The following CLCF1 variants were observed in gnomAD, a reference collection of about 807,000 sequenced individuals.
CLCF1 encodes cardiotrophin-like cytokine factor 1.
In CLCF1, 10 loss-of-function variants were observed where a neutral mutation model predicts 21.2. The ratio of observed to expected loss-of-function variants is 0.47; its 90% CI spans 0.29 to 0.80. The LOEUF is 0.80. CLCF1 is among the 30% of genes least tolerant of loss of function. The pLI is 0.09. For missense variants in CLCF1, 240 were observed against 293.4 expected, an observed-to-expected ratio of 0.82 and a Z score of 1.33; for synonymous variants, 115 against 120.5, an observed-to-expected ratio of 0.95 and a Z score of 0.30.
chr11:67,369,742 C>T (rs1862189546), intron 1 of CLCF1: 1 of 985,328 alleles, frequency 1.0e-6, no homozygotes, highest in African/African-American at 1.7e-5. Flanking sequence ...TCTTTACCCA[C>T]ATGCTGGCCG....
chr11:67,365,057 C>T lies in CLCF1; in HGVS notation c.*79G>A. On this transcript the variant is annotated 3_prime_UTR_variant, in exon 3 of 3. Transcript: ENST00000312438. The surrounding 1 kb of genome is among the most constrained non-coding windows in gnomAD (Gnocchi z 5.0). ...TCACAGCTTCTGTCTCCTGGCTCAA[C>T]AGGTGTTGGCATACAGGGCTGGCTC... The T allele has an allele frequency of 1.2e-6, 2 of 1,603,702 alleles. No homozygotes were observed. The highest frequency in any genetic ancestry group is 2.2e-5 in the East Asian group (1 of 44,866).
chr11:67,373,474 G>C, intron 1 of CLCF1, 50 bp downstream of exon 1: 1 of 1,038,070 alleles, frequency 9.6e-7, no homozygotes, highest in Non-Finnish European at 1.4e-6. Context: ...ACCGGATCTC[G>C]TGGCTGCTTG....
At position 67,366,704 on chromosome 11, in the gene CLCF1, A is replaced by G. The variant is rs976756476; in HGVS notation, c.183+756T>C. Among the ~76,000 whole-genome samples the G allele has an allele frequency of 3.9e-5, 6 of 151,982 alleles. No individual in the cohort carries two copies. The South Asian group carries it at 6.2e-4, about 16-fold the overall frequency. The stretch of plus-strand genomic sequence containing the variant: ...CACACGCTGACAAGCACAGAGACAA[A>G]CTAATTTCCTCGGTGTATCCTGGGG... On this transcript the variant is annotated intron_variant, in intron 2 of 2. Transcript: ENST00000312438.
chr11:67,370,455 G>A (rs1392833867), intron 1 of CLCF1: 9 of 980,702 alleles, frequency 9.2e-6, no homozygotes, highest in East Asian at 1.2e-4. Flanking sequence ...CCCACTGATT[G>A]TTTACATCCC....
chr11:67,368,940 TTC>T (rs1862174323), intron 1 of CLCF1: 1 of 878,958 alleles, frequency 1.1e-6, no homozygotes, highest in African/African-American at 2.6e-5. Context: ...TGCTGCCACC[TTC>T]TCTTTCCACC....
chr11:67,365,454 G>A lies in CLCF1; in HGVS notation c.360C>T (p.Leu120=). 1 of 1,613,976 alleles carries A rather than the reference G, an allele frequency of 6.2e-7. No homozygotes were observed. The highest frequency in any genetic ancestry group is 8.5e-7 in the Non-Finnish European group (1 of 1,179,938). ...YSHLLCYLRG[L]NRQAATAELR... is the part of the protein sequence containing the mutation. ...GCTCAGCAGTGGCAGCCTGACGGTT[G>A]AGGCCACGCAAGTAACACAGAAGGT... The change falls in exon 3 of 3, where the codon CTC becomes CTT. Residue 120 remains leucine (L), a synonymous_variant. Coordinates refer to ENST00000312438, the MANE Select transcript of CLCF1 (RefSeq NM_013246.3). This position sits in a 1 kb window ranked among gnomAD's most constrained non-coding sequence, Gnocchi z 5.0.
Position 67,372,757 on chromosome 11 carries a change from A to G in CLCF1, c.16+767T>C, listed in dbSNP as rs1417330149. On this transcript the variant is annotated intron_variant, in intron 1 of 2. Transcript: ENST00000312438. This position sits in a 1 kb window ranked among gnomAD's most constrained non-coding sequence, Gnocchi z 5.9. ...CCCGCCGCTCCCTGGCCAGTGACAG[A>G]CTTTTTCCTGCCGGGTCCGGCCCGG... 6.7e-6 allele frequency among the ~76,000 whole-genome samples: 1 copy of G among 149,200 alleles called. No homozygotes were observed. Among genetic ancestry groups the G allele is most frequent in the African/African-American group, 2.5e-5 (1 of 40,786 alleles).
chr11:67,370,545 C>CCACCCCCTATCCTGGCCCA, intron 1 of CLCF1: 1 of 984,658 alleles, frequency 1.0e-6, no homozygotes. Flanking sequence ...CAACAGCCCC[C>CCACCCCCTATCCTGGCCCA]CACCCCCGGC....
chr11:67,366,135 C>T (rs565061836), intron 2 of CLCF1, among the ~76,000 whole-genome samples: 42 of 152,254 alleles, frequency 2.8e-4, no homozygotes, highest in African/African-American at 8.2e-4. Context: ...AGGTGCCTGA[C>T]GACCTTGGAG....
intron 1 of CLCF1, chr11:67,371,038 G>A (rs972610057): frequency 5.1e-6 from 5 of 985,282 alleles, no homozygotes; most frequent in East Asian, 1.1e-4. Flanking sequence ...TTGAGGGATG[G>A]AGTGGGTTAG....
upstream of CLCF1, chr11:67,373,788 G>C (rs937836261): frequency 2.7e-6 from 3 of 1,091,442 alleles, no homozygotes; most frequent in East Asian, 4.2e-5. Context: ...GGGGTAGGAG[G>C]GGGGAGGAGG....
At chr11:67,368,746 G>A (rs1862167903) in intron 1 of CLCF1, 1 of 985,224 alleles carries the variant, frequency 1.0e-6, no homozygotes, top group African/African-American at 1.7e-5. Context: ...AGGATGTGGT[G>A]AGGTCTGGGC....
rs912662530 is a variant in CLCF1 at position 67,372,831 on chromosome 11, C to A, written c.16+693G>T. On this transcript the variant is annotated intron_variant, in intron 1 of 2. Transcript: ENST00000312438. This position sits in a 1 kb window ranked among gnomAD's most constrained non-coding sequence, Gnocchi z 5.9. ...ATAATCACTCCCAGGCCACGGTGGCCCGGGGGACTCGCGGCCGCCGCCCGC... is the reference window on the plus strand; with the variant it reads ...ATAATCACTCCCAGGCCACGGTGGCACGGGGGACTCGCGGCCGCCGCCCGC... Among the ~76,000 whole-genome samples the A allele has an allele frequency of 6.7e-6, 1 of 149,954 alleles. No individual in the cohort carries two copies. The highest frequency in any genetic ancestry group is 1.5e-5 in the Non-Finnish European group (1 of 66,958).
intron 1 of CLCF1, chr11:67,368,749 G>C (rs1369360491): frequency 1.0e-6 from 1 of 985,210 alleles, no homozygotes; most frequent in Non-Finnish European, 1.2e-6. Context: ...ATGTGGTGAG[G>C]TCTGGGCAGG....
intron 1 of CLCF1, chr11:67,368,825 G>T: frequency 1.0e-6 from 1 of 983,998 alleles, no homozygotes; most frequent in Non-Finnish European, 1.2e-6. Context: ...TGCTTGTCAT[G>T]TTATGAAGAG....
rs183381601 is a variant in CLCF1 at position 67,368,426 on chromosome 11, C to G, written c.17-800G>C. On this transcript the variant is annotated intron_variant, in intron 1 of 2. Coordinates refer to ENST00000312438, the MANE Select transcript of CLCF1 (RefSeq NM_013246.3). Reference sequence around the variant, plus strand: ...AGGGAGAGAGGTGCATTTGACGAGTCGGGCTTGTTGGCTGATGGCACTGCA... The same window carrying G: ...AGGGAGAGAGGTGCATTTGACGAGTGGGGCTTGTTGGCTGATGGCACTGCA... The G allele has an allele frequency of 3.0e-6, 3 of 985,140 alleles. No individual in the cohort carries two copies. The Admixed American group carries it at 1.8e-4, about 61-fold the overall frequency. The allele number at this position is 985,140 out of a possible 1,614,324, so 61.0% of individuals were successfully genotyped here.
chr11:67,368,912 C>CTTTTTTTTTTTTTTTTTCTTTT (rs1862172394), intron 1 of CLCF1: 2 of 561,530 alleles, frequency 3.6e-6, no homozygotes, highest in Non-Finnish European at 4.2e-6. Flanking sequence ...TTTTTTTTTC[C>CTTTTTTTTTTTTTTTTTCTTTT]TTTTTTTTTT....
At position 67,364,240 on chromosome 11, in the gene CLCF1, T is replaced by C. The variant is rs1005804722; in HGVS notation, c.*896A>G. The C allele has an allele frequency of 6.6e-6, 1 of 152,412 alleles. No individual in the cohort carries two copies. The highest frequency in any genetic ancestry group is 2.4e-5 in the African/African-American group (1 of 41,358). 9.4% of individuals were successfully genotyped at this position (152,412 alleles called of 1,614,324 possible). A position where few individuals can be genotyped will look rare whatever the true frequency, so the allele number is the denominator to read the frequency against. ...AATAAATATCATCTAATAAATAACA[T>C]CTCCAAATAAATAAATATTAATACA... On this transcript the variant is annotated 3_prime_UTR_variant, in exon 3 of 3. Transcript: ENST00000312438.
intron 1 of CLCF1, chr11:67,371,101 C>T: frequency 1.0e-6 from 1 of 985,212 alleles, no homozygotes; most frequent in Non-Finnish European, 1.2e-6. Context: ...GAGGTCCAGG[C>T]ATTGTGACGG....
Sources: gnomAD v4.1 joint callset for allele counts (sites outside exome capture counted in the v4.1 genomes callset) on GRCh38, gnomAD v4.1.1 for gene constraint, Gnocchi (gnomAD v3.1) non-coding constraint, MANE v1.5 for transcripts, NCBI Gene and HGNC (gene_info 2026-07-23, HGNC 2026-07-21) for gene names.